Variants in CARD8 observed in about 807,000 individuals in gnomAD.
The protein encoded by CARD8 is caspase recruitment domain family member 8.
A neutral mutation model predicts 53.2 loss-of-function variants in CARD8; 38 were observed. The observed-to-expected ratio is 0.71, with a 90% CI of 0.55 to 0.94. The LOEUF (loss-of-function observed/expected upper bound fraction) is 0.94, where lower values mean the gene tolerates loss of function less well. Ranked by LOEUF, CARD8 falls within the 40% of genes least tolerant of loss-of-function variation. The pLI is 0.00. For synonymous variants in CARD8, 245 were observed against 244.9 expected (o/e 1.00, Z 0.00); for missense variants, 561 against 655.5 (o/e 0.86, Z 1.57).
At chr19:48,242,098 T>C (rs978412034) in intron 3 of CARD8, among the ~76,000 whole-genome samples, 1 of 152,196 alleles carries the variant, frequency 6.6e-6, no homozygotes, top group Non-Finnish European at 1.5e-5. Context: ...ATGGACCGAA[T>C]GTATGTGTCC....
intron 5 of CARD8, among the ~76,000 whole-genome samples, chr19:48,236,615 T>C (rs1600511981): frequency 6.6e-6 from 1 of 152,324 alleles, no homozygotes; most frequent in East Asian, 1.9e-4. Flanking sequence ...AATGGGTGCA[T>C]GGACCAAGCA....
chr19:48,238,425 G>A lies in CARD8; in HGVS notation c.167C>T (p.Thr56Ile), dbSNP rs1055991584. The A allele has an allele frequency of 6.5e-7, 1 of 1,536,096 alleles. No homozygotes were observed. Among genetic ancestry groups the A allele is most frequent in the African/African-American group, 1.4e-5 (1 of 73,144 alleles). ...GGCCTCAGCCTGAAAAAAAATTCCA[G>A]TTTTTGTGTATTGCAGTTCCCGTAT... ...NSIRELQYTK[T>I]GIFFQAEACV... The change falls in exon 5 of 14, where the codon ACT becomes ATT. Residue 56 changes from threonine to isoleucine, a missense_variant. Physicochemically the swap from Thr to Ile is moderately conservative, Grantham distance 89. Coordinates refer to ENST00000651546, the MANE Select transcript of CARD8 (RefSeq NM_001184900.3).
chr19:48,224,395 C>T (rs781717223), intron 10 of CARD8, among the ~76,000 whole-genome samples: 7 of 152,108 alleles, frequency 4.6e-5, no homozygotes, highest in Non-Finnish European at 1.0e-4. Context: ...TTATGTGCTT[C>T]CCTTCATATT....
At position 48,234,480 on chromosome 19, in the gene CARD8, T is replaced by G. The variant is rs762447434; in HGVS notation, c.273A>C (p.Glu91Asp). The G allele has an allele frequency of 6.2e-7, 1 of 1,613,716 alleles. No individual in the cohort carries two copies. Among genetic ancestry groups the G allele is most frequent in the African/African-American group, 1.3e-5 (1 of 74,920 alleles). Reference protein sequence around the residue: ...TLCDISHFFQEDDETEAEPLL... With the variant: ...TLCDISHFFQDDDETEAEPLL... ...ATGGCTCTGCCTCTGTCTCATCATC[T>G]TCTTGGAAAAAATGTGAGATGTCAC... The change falls in exon 6 of 14, where the codon GAA (glutamate) becomes GAC (aspartate). Residue 91 changes from glutamate (E) to aspartate (D), a missense_variant. Transcript: ENST00000651546.
Position 48,210,635 on chromosome 19 carries a change from G to C in CARD8, c.*1075C>G, listed in dbSNP as rs1235203863. Reference sequence around the variant, plus strand: ...TTTAAGTGGTACAAATGTGATAACAGTAGAATAGAAAAGACATAACAAACT... The same window carrying C: ...TTTAAGTGGTACAAATGTGATAACACTAGAATAGAAAAGACATAACAAACT... On this transcript the variant is annotated 3_prime_UTR_variant, in exon 14 of 14. Transcript: ENST00000651546. The C allele has an allele frequency of 6.6e-6, 1 of 152,130 alleles. No individual in the cohort carries two copies. The highest frequency in any genetic ancestry group is 2.4e-5 in the African/African-American group (1 of 41,434). The allele number at this position is 152,130 out of a possible 1,614,324, so 9.4% of individuals were successfully genotyped here.
intron 1 of CARD8, among the ~76,000 whole-genome samples, chr19:48,254,278 A>G (rs2047306431): frequency 6.6e-6 from 1 of 152,204 alleles, no homozygotes; most frequent in Admixed American, 6.5e-5. Context: ...ATTGAATGAG[A>G]AAAGTTAGCT....
chr19:48,233,404 C>T (rs1354508305), intron 6 of CARD8: 2 of 456,078 alleles, frequency 4.4e-6, no homozygotes, highest in South Asian at 1.5e-5. Context: ...AGAACAGGTA[C>T]CTAGAGAAGT....
At chr19:48,212,200 T>A (rs571589529) in intron 13 of CARD8, among the ~76,000 whole-genome samples, 5 of 152,358 alleles carry the variant, frequency 3.3e-5, no homozygotes, top group African/African-American at 1.2e-4. Context: ...GTCCTACTCC[T>A]CTCATCCATT....
intron 10 of CARD8, among the ~76,000 whole-genome samples, chr19:48,222,692 A>G: frequency 7.5e-6 from 1 of 133,404 alleles, no homozygotes; most frequent in African/African-American, 3.3e-5. Flanking sequence ...CTGTCTCACC[A>G]AAAAAAAAAA....
At chr19:48,239,854 G>A (rs2044640393) in intron 4 of CARD8, among the ~76,000 whole-genome samples, 2 of 152,110 alleles carry the variant, frequency 1.3e-5, no homozygotes, top group African/African-American at 4.8e-5. Context: ...CTGGATGCTG[G>A]AAAGCCCAGG....
chr19:48,217,261 T>C (rs538252200), intron 12 of CARD8, among the ~76,000 whole-genome samples: 127 of 151,478 alleles, frequency 8.4e-4, no homozygotes, highest in African/African-American at 3.0e-3. Context: ...AGCCCGGGGG[T>C]TGGGGACTCC....
At chr19:48,225,351 T>A (rs1941304850) in intron 10 of CARD8, among the ~76,000 whole-genome samples, 1 of 151,540 alleles carries the variant, frequency 6.6e-6, no homozygotes, top group Admixed American at 6.6e-5. Context: ...ATTAGTGGGG[T>A]GTGGTGGCGC....
intron 4 of CARD8, among the ~76,000 whole-genome samples, chr19:48,239,101 A>C (rs1393132860): frequency 1.3e-5 from 2 of 152,172 alleles, no homozygotes; most frequent in African/African-American, 4.8e-5. Flanking sequence ...AACAGGAGGG[A>C]ATGTTAACCA....
chr19:48,219,081 G>C (rs986146588), intron 11 of CARD8, 69 bp from the exon 12 acceptor site: 5 of 1,469,770 alleles, frequency 3.4e-6, no homozygotes, highest in Admixed American at 3.5e-5. Context: ...ACAGTGAACT[G>C]GCCAATGGAA....
chr19:48,222,496 G>A (rs1041646849), intron 10 of CARD8, among the ~76,000 whole-genome samples: 24 of 152,208 alleles, frequency 1.6e-4, no homozygotes, highest in African/African-American at 4.6e-4. Flanking sequence ...TGAGACCAGC[G>A]TGGCCAGCAT....
chr19:48,222,293 C>T (rs1371868923), intron 10 of CARD8, among the ~76,000 whole-genome samples: 3 of 152,152 alleles, frequency 2.0e-5, no homozygotes, highest in East Asian at 1.9e-4. Flanking sequence ...TACTTCTCTC[C>T]GTCACAGGGC....
intron 6 of CARD8, chr19:48,233,478 G>A (rs1463705051): frequency 6.6e-6 from 3 of 452,486 alleles, no homozygotes; most frequent in African/African-American, 2.0e-5. Context: ...GCCAAGCATG[G>A]AGAGACCCCT....
In CARD8 at chr19:48,240,853, C is replaced by T. The variant is rs1331541788; in HGVS notation, c.59+109G>A. On this transcript the variant is annotated intron_variant, in intron 4 of 13. Coordinates refer to ENST00000651546, the MANE Select transcript of CARD8 (RefSeq NM_001184900.3). Reference sequence around the variant, plus strand: ...GATGGGTGAATGAATAAAATGTGAGCAGAACCTTTCTTCCAGAAAACATCC... The same window carrying T: ...GATGGGTGAATGAATAAAATGTGAGTAGAACCTTTCTTCCAGAAAACATCC... The T allele has an allele frequency of 1.6e-5, 14 of 896,438 alleles. No homozygotes were observed. The Admixed American group carries it at 1.8e-4, about 12-fold the overall frequency. The allele number at this position is 896,438 out of a possible 1,614,324, so 55.5% of individuals were successfully genotyped here.
intron 5 of CARD8, among the ~76,000 whole-genome samples, chr19:48,235,568 C>A (rs939635117): frequency 6.6e-6 from 1 of 152,146 alleles, no homozygotes; most frequent in African/African-American, 2.4e-5. Context: ...TTGAAGAGGA[C>A]TCCAGGGAAT....
Sources: gnomAD v4.1 joint callset for allele counts (sites outside exome capture counted in the v4.1 genomes callset) on GRCh38, gnomAD v4.1.1 for gene constraint, MANE v1.5 for transcripts, NCBI Gene and HGNC (gene_info 2026-07-23, HGNC 2026-07-21) for gene names.